BEND7: variants seen among roughly 807,000 people sequenced by gnomAD.
BEND7 encodes the protein BEN domain-containing protein 7.
A neutral mutation model predicts 50.9 loss-of-function variants in BEND7; 28 were observed. The ratio of observed to expected loss-of-function variants is 0.55; its 90% CI spans 0.41 to 0.75. The LOEUF is 0.75. Ranked by LOEUF, BEND7 falls within the 30% of genes least tolerant of loss-of-function variation. The pLI, the probability that BEND7 is intolerant of heterozygous loss-of-function variation, is 0.00. For missense variants in BEND7, 477 were observed against 491.3 expected (o/e 0.97, Z 0.28); for synonymous variants, 170 against 183.9 (o/e 0.92, Z 0.61).
At chr10:13,448,238 G>A (rs1447191577) in intron 7 of BEND7, among the ~76,000 whole-genome samples, 1 of 152,146 alleles carries the variant, frequency 6.6e-6, no homozygotes, top group African/African-American at 2.4e-5. Flanking sequence ...AAAGGTGCAC[G>A]TGTGTCTCTT....
chr10:13,460,124 C>G (rs189244540), intron 6 of BEND7: 1 of 152,614 alleles, frequency 6.6e-6, no homozygotes, highest in Admixed American at 6.5e-5. Context: ...TGTCACAATG[C>G]GAGTAGCATG....
chr10:13,508,749 A>T (rs2078071563), intron 2 of BEND7, among the ~76,000 whole-genome samples: 1 of 152,256 alleles, frequency 6.6e-6, no homozygotes, highest in South Asian at 2.1e-4. Context: ...CTAAATTATG[A>T]GACACAATGT....
chr10:13,503,570 G>A (rs1157150889), intron 2 of BEND7, among the ~76,000 whole-genome samples: 1 of 152,172 alleles, frequency 6.6e-6, no homozygotes, highest in African/African-American at 2.4e-5. Flanking sequence ...AAAGTTAGCT[G>A]GGCGTGGCAG....
intron 2 of BEND7, chr10:13,511,213 T>C (rs953411924): frequency 5.9e-5 from 9 of 152,090 alleles, no homozygotes; most frequent in African/African-American, 2.2e-4. Flanking sequence ...CCCAAATAAC[T>C]AGTCAAGTGT....
At chr10:13,517,773 G>A (rs910411272) in intron 2 of BEND7, among the ~76,000 whole-genome samples, 2 of 152,106 alleles carry the variant, frequency 1.3e-5, no homozygotes, top group African/African-American at 4.8e-5. Flanking sequence ...TCAGGCAGAG[G>A]GGCAGCCCAA....
At chr10:13,492,961 A>G in intron 4 of BEND7, 85 bp from the exon 5 acceptor site, 1 of 1,469,584 alleles carries the variant, frequency 6.8e-7, no homozygotes, top group East Asian at 2.3e-5. Context: ...GTGATCTACA[A>G]ACTGAAACCG....
Position 13,525,134 on chromosome 10 carries a change from G to A in BEND7, c.145+1004C>T, listed in dbSNP as rs114995631. Among the ~76,000 whole-genome samples the A allele has an allele frequency of 5.8e-3, 888 of 152,266 alleles. 7 individuals are homozygous for A. Among genetic ancestry groups the A allele is most frequent in the African/African-American group, 0.02 (823 of 41,532 alleles). ...TCATGTTCTGCTTCCTTGCTGTGCA[G>A]TGCTGTGCCCTCACCCTGCTACCTG... is the stretch of plus-strand genomic sequence containing the variant. On this transcript the variant is annotated intron_variant, in intron 2 of 8. Transcript: ENST00000466271.
At chr10:13,485,492 G>T (rs2076162116) in intron 5 of BEND7, among the ~76,000 whole-genome samples, 1 of 152,182 alleles carries the variant, frequency 6.6e-6, no homozygotes. Flanking sequence ...GTCAGTCTCA[G>T]GTTGGCTCAG....
chr10:13,451,382 GGT>G (rs532060395), intron 7 of BEND7, among the ~76,000 whole-genome samples: 67 of 147,678 alleles, frequency 4.5e-4, no homozygotes, highest in African/African-American at 1.3e-3. Flanking sequence ...CTTTTTTTTT[GGT>G]GTGTGTGTGT....
chr10:13,510,908 T>A (rs921830918), intron 2 of BEND7, among the ~76,000 whole-genome samples: 1 of 151,050 alleles, frequency 6.6e-6, no homozygotes, highest in Admixed American at 6.6e-5. Flanking sequence ...CCGGGCACAG[T>A]GGCTCACGCC....
chr10:13,504,800 G>A lies in BEND7; in HGVS notation c.146-4720C>T, dbSNP rs190938645. Among the ~76,000 whole-genome samples, 120 of 152,290 alleles carry A rather than the reference G, an allele frequency of 7.9e-4. 1 individual carries two copies. The highest frequency in any genetic ancestry group is 7.2e-3 in the Admixed American group (110 of 15,308). On this transcript the variant is annotated intron_variant, in intron 2 of 8. Transcript: ENST00000466271. ...CTTATTGGCAGCCTGAAATCCTTTG[G>A]AGTTTAGTAACTATACTCCTTGGAC...
intron 6 of BEND7, among the ~76,000 whole-genome samples, chr10:13,458,870 TTA>T (rs1839599498): frequency 6.6e-6 from 1 of 152,188 alleles, no homozygotes; most frequent in Non-Finnish European, 1.5e-5. Context: ...CTCTTTCCTC[TTA>T]CTGTCTTAGA....
chr10:13,517,259 C>T (rs1050334712), intron 2 of BEND7, among the ~76,000 whole-genome samples: 2 of 150,460 alleles, frequency 1.3e-5, no homozygotes, highest in Non-Finnish European at 1.5e-5. Context: ...TTTTTTTTTG[C>T]AGAAGAGTGG....
At chr10:13,473,155 T>C (rs1229129770) in intron 6 of BEND7, among the ~76,000 whole-genome samples, 1 of 151,694 alleles carries the variant, frequency 6.6e-6, no homozygotes, top group African/African-American at 2.4e-5. Context: ...ATACCTGTCA[T>C]CTCTCTTAGA....
chr10:13,441,673 T>A lies in BEND7; in HGVS notation c.*70A>T. 6.2e-7 allele frequency: 1 copy of A among 1,609,628 alleles called. No individual in the cohort carries two copies. The highest frequency in any genetic ancestry group is 8.5e-7 in the Non-Finnish European group (1 of 1,178,574). ...CCTTCCCTTGGGTAGTAGCTCCTTG[T>A]GGGAGGCAGAGGACGGATTTTAAAA... On this transcript the variant is annotated 3_prime_UTR_variant, in exon 9 of 9. Coordinates refer to ENST00000466271, the MANE Select transcript of BEND7 (RefSeq NM_001369863.1).
intron 6 of BEND7, among the ~76,000 whole-genome samples, chr10:13,460,335 G>T (rs1467072000): frequency 2.6e-5 from 4 of 152,176 alleles, no homozygotes; most frequent in Non-Finnish European, 5.9e-5. Flanking sequence ...CACCCCACGA[G>T]ACATCTTTTT....
At chr10:13,509,343 C>T (rs772861975) in intron 2 of BEND7, among the ~76,000 whole-genome samples, 5 of 152,184 alleles carry the variant, frequency 3.3e-5, no homozygotes, top group Admixed American at 6.5e-5. Context: ...CAGCTTCCTA[C>T]GGACCCTGGG....
intron 2 of BEND7, among the ~76,000 whole-genome samples, chr10:13,517,172 C>T (rs184558436): frequency 1.4e-3 from 216 of 151,642 alleles, no homozygotes; most frequent in East Asian, 1.7e-3. Flanking sequence ...TCAACTGATC[C>T]TCCCACCTCA....
chr10:13,464,517 A>G (rs2131341334), intron 6 of BEND7, among the ~76,000 whole-genome samples: 1 of 152,272 alleles, frequency 6.6e-6, no homozygotes, highest in Middle Eastern at 3.4e-3. Flanking sequence ...GGAAAGATAC[A>G]CACCAACTCC....
Sources: allele counts gnomAD v4.1 joint callset (sites outside exome capture counted in the v4.1 genomes callset), GRCh38; gene constraint gnomAD v4.1.1; transcripts MANE v1.5; gene names NCBI Gene and HGNC (gene_info 2026-07-23, HGNC 2026-07-21).